GPBP1: variants seen among roughly 807,000 people sequenced by gnomAD.
GPBP1 encodes GC-rich promoter binding protein 1, also known as vasculin.
Under a neutral mutation model 56.5 loss-of-function variants are expected in GPBP1, and 13 were observed. The observed-to-expected ratio is 0.23, with a 90% CI of 0.15 to 0.37. The LOEUF (loss-of-function observed/expected upper bound fraction) is 0.37. Ranked by LOEUF, GPBP1 falls within the 10% of genes least tolerant of loss-of-function variation. The pLI, the probability that GPBP1 is intolerant of heterozygous loss-of-function variation, is 1.00. For missense variants in GPBP1, 477 were observed against 572.3 expected (o/e 0.83, Z 1.70); for synonymous variants, 204 against 188.9 (o/e 1.08, Z -0.66).
chr5:57,178,172 T>A (rs1215268579), intron 2 of GPBP1, among the ~76,000 whole-genome samples: 1 of 152,230 alleles, frequency 6.6e-6, no homozygotes, highest in Admixed American at 6.5e-5. Flanking sequence ...ACAATATGCA[T>A]CTTAAATAAG....
chr5:57,251,575 CTTTT>C (rs201993755), intron 10 of GPBP1, among the ~76,000 whole-genome samples: 2 of 133,276 alleles, frequency 1.5e-5, no homozygotes, highest in Non-Finnish European at 1.6e-5. Context: ...GTTTCCACCT[CTTTT>C]TTTTTTTTTT....
intron 11 of GPBP1, among the ~76,000 whole-genome samples, chr5:57,261,989 C>T (rs1402895627): frequency 6.6e-6 from 1 of 152,188 alleles, no homozygotes; most frequent in Non-Finnish European, 1.5e-5. Flanking sequence ...TCAAGCAATA[C>T]TCTTGCCTCA....
chr5:57,232,248 A>T (rs139665916), intron 5 of GPBP1, among the ~76,000 whole-genome samples: 1 of 152,288 alleles, frequency 6.6e-6, no homozygotes, highest in East Asian at 1.9e-4. Flanking sequence ...TCGGCCTCCC[A>T]AAGGGCTGGG....
Position 57,204,550 on chromosome 5 carries a change from CTTGA to C in GPBP1, c.-57-9517_-57-9514del, listed in dbSNP as rs145800344. ...TATAGGCATGAGCCACTTTGCCTGG[CTTGA>C]TTGATTTTTAAAAATTACTTTCCTT... On this transcript the variant is annotated intron_variant, in intron 2 of 11. Coordinates refer to ENST00000506184, the MANE Select transcript of GPBP1 (RefSeq NM_022913.4). Among the ~76,000 whole-genome samples, 665 of 152,282 alleles carry C rather than the reference CTTGA, an allele frequency of 4.4e-3. 1 individual carries two copies. The highest frequency in any genetic ancestry group is 0.015 in the African/African-American group (637 of 41,552).
At chr5:57,225,201 G>A (rs1305438243) in intron 3 of GPBP1, among the ~76,000 whole-genome samples, 3 of 152,136 alleles carry the variant, frequency 2.0e-5, no homozygotes, top group Non-Finnish European at 2.9e-5. Context: ...GCTCATGCCT[G>A]TAATCCCAGC....
At chr5:57,183,395 C>T (rs545960312) in intron 2 of GPBP1, among the ~76,000 whole-genome samples, 1 of 152,148 alleles carries the variant, frequency 6.6e-6, no homozygotes, top group East Asian at 1.9e-4. Context: ...TACATACATA[C>T]AAACATATGT....
At chr5:57,219,923 G>A (rs970159639) in intron 3 of GPBP1, among the ~76,000 whole-genome samples, 3 of 151,648 alleles carry the variant, frequency 2.0e-5, no homozygotes, top group East Asian at 2.0e-4. Context: ...TTGGTGGCGC[G>A]TGCCTGTAAT....
chr5:57,245,481 A>G (rs548157275), intron 6 of GPBP1: 1 of 152,322 alleles, frequency 6.6e-6, no homozygotes, highest in South Asian at 2.1e-4. Flanking sequence ...AATTCACATG[A>G]TCTTATTTAA....
At chr5:57,185,854 G>A (rs2111602646) in intron 2 of GPBP1, among the ~76,000 whole-genome samples, 1 of 151,252 alleles carries the variant, frequency 6.6e-6, no homozygotes. Flanking sequence ...ATAAAAGTAA[G>A]CCTGGCACAG....
intron 3 of GPBP1, among the ~76,000 whole-genome samples, chr5:57,218,626 G>C (rs1755799692): frequency 6.6e-6 from 1 of 151,950 alleles, no homozygotes. Flanking sequence ...TGAGACTGTT[G>C]GGGGCCCCAG....
intron 2 of GPBP1, among the ~76,000 whole-genome samples, chr5:57,185,394 G>A (rs1754243139): frequency 6.6e-6 from 1 of 151,896 alleles, no homozygotes; most frequent in Non-Finnish European, 1.5e-5. Flanking sequence ...CTGAGTAGCT[G>A]GGATTACAGG....
chr5:57,206,848 C>A (rs548860281), intron 2 of GPBP1, among the ~76,000 whole-genome samples: 2 of 152,220 alleles, frequency 1.3e-5, no homozygotes, highest in East Asian at 3.9e-4. Flanking sequence ...TTAGGCCATA[C>A]TACAGTTTTG....
chr5:57,250,548 GTT>G lies in GPBP1; in HGVS notation c.973-390_973-389del, dbSNP rs751963720. On this transcript the variant is annotated intron_variant, in intron 9 of 11. Coordinates refer to ENST00000506184, the MANE Select transcript of GPBP1 (RefSeq NM_022913.4). ...ATAAGTATTACGTTTATGGTTGTTG[GTT>G]TTTTTTTTTTTTTTTAGAGTTTTGC... is the stretch of plus-strand genomic sequence containing the variant. Among the ~76,000 whole-genome samples, 5 of 131,634 alleles carry G rather than the reference GTT, an allele frequency of 3.8e-5. No homozygotes were observed. In the South Asian group the frequency reaches 7.3e-4, roughly 19 times the overall value. 86.4% of individuals were successfully genotyped at this position (131,634 alleles called of 152,430 possible).
chr5:57,244,542 C>T (rs1030199193), intron 6 of GPBP1, among the ~76,000 whole-genome samples: 1 of 152,152 alleles, frequency 6.6e-6, no homozygotes, highest in Admixed American at 6.6e-5. Flanking sequence ...GATCATTCCT[C>T]AGATTCCTGG....
intron 2 of GPBP1, among the ~76,000 whole-genome samples, chr5:57,188,243 C>CAAAA (rs34967736): frequency 3.6e-5 from 5 of 138,808 alleles, no homozygotes; most frequent in African/African-American, 7.9e-5. Context: ...GAGACTGTCT[C>CAAAA]AAAAAAAAAA....
At chr5:57,223,130 A>G (rs971258419) in intron 3 of GPBP1, among the ~76,000 whole-genome samples, 2 of 152,014 alleles carry the variant, frequency 1.3e-5, no homozygotes, top group African/African-American at 4.8e-5. Context: ...ATATTTTAAA[A>G]AATGTCCTTA....
chr5:57,199,289 A>G (rs1335714742), intron 2 of GPBP1, among the ~76,000 whole-genome samples: 1 of 152,268 alleles, frequency 6.6e-6, no homozygotes, highest in African/African-American at 2.4e-5. Flanking sequence ...ACTATTTTTT[A>G]TAGTTTTTGA....
intron 6 of GPBP1, among the ~76,000 whole-genome samples, chr5:57,236,322 A>G (rs183741370): frequency 6.6e-6 from 1 of 152,320 alleles, no homozygotes; most frequent in East Asian, 1.9e-4. Context: ...CCATTTTGAG[A>G]GCAGCTGGAT....
rs1175508074 is a variant in GPBP1, at chr5:57,264,025, AGT to A, written c.*1276_*1277del. The A allele has an allele frequency of 6.6e-6, 1 of 151,930 alleles. No individual in the cohort carries two copies. The highest frequency in any genetic ancestry group is 1.5e-5 in the Non-Finnish European group (1 of 67,940). 9.4% of individuals were successfully genotyped at this position (151,930 alleles called of 1,614,324 possible). ...CTTAAGTGTTTGTTGTTTTTTAAAA[AGT>A]GTTTTCTCAGATGGCTGCAGTGTTT... is the stretch of plus-strand genomic sequence containing the variant. On this transcript the variant is annotated 3_prime_UTR_variant, in exon 12 of 12. Transcript: ENST00000506184.
Sources: gnomAD v4.1 joint callset for allele counts (sites outside exome capture counted in the v4.1 genomes callset) on GRCh38, gnomAD v4.1.1 for gene constraint, MANE v1.5 for transcripts, NCBI Gene and HGNC (gene_info 2026-07-23, HGNC 2026-07-21) for gene names.